The following KLHL12 variants were observed in gnomAD, a reference collection of about 807,000 sequenced individuals.
KLHL12 encodes the protein kelch like family member 12.
A neutral mutation model predicts 60.8 loss-of-function variants in KLHL12; 17 were observed. The ratio of observed to expected loss-of-function variants is 0.28; its 90% CI spans 0.19 to 0.42. The LOEUF (loss-of-function observed/expected upper bound fraction) is 0.42. Among genes scored for constraint, KLHL12 ranks in the 10% least tolerant of loss-of-function variants. The pLI, the probability that KLHL12 is intolerant of heterozygous loss-of-function variation, is 1.00. For missense variants in KLHL12, 468 were observed against 722.3 expected (o/e 0.65, Z 4.04); for synonymous variants, 220 against 250.9 (o/e 0.88, Z 1.16).
intron 2 of KLHL12, among the ~76,000 whole-genome samples, chr1:202,922,548 G>A (rs1046968140): frequency 2.4e-4 from 36 of 151,122 alleles, no homozygotes; most frequent in African/African-American, 7.8e-4. Context: ...GTGCAGTGGC[G>A]TGATCTGGGC....
At chr1:202,915,623 G>A (rs1184613977) in intron 4 of KLHL12, among the ~76,000 whole-genome samples, 1 of 152,140 alleles carries the variant, frequency 6.6e-6, no homozygotes, top group African/African-American at 2.4e-5. Context: ...TTCCTGATTT[G>A]GACAATTAGA....
Position 202,919,779 on chromosome 1 carries a change from C to T in KLHL12, c.325G>A (p.Ala109Thr). ...CCTTTCAACTGAAGCAGACAGGCTG[C>T]AGGAAGCAGTTCTTGTACATTCTCC... ...TVENVQELLP[A>T]ACLLQLKGVK... is the part of the protein sequence containing the mutation. The change falls in exon 3 of 12, where the codon GCA becomes ACA. Residue 109 changes from alanine (A) to threonine (T), a missense_variant. By Grantham distance (58) the Ala-to-Thr change is moderately conservative (BLOSUM62 0). This residue lies in a region of KLHL12 where 339 missense variants were observed against 525.0 expected (regional missense o/e 0.65). Coordinates refer to ENST00000367261, the MANE Select transcript of KLHL12 (RefSeq NM_021633.4). 6.2e-7 allele frequency: 1 copy of T among 1,611,614 alleles called. No individual in the cohort carries two copies. The highest frequency in any genetic ancestry group is 8.5e-7 in the Non-Finnish European group (1 of 1,179,224).
At chr1:202,925,698 ATTCAAC>A (rs916354933) in intron 1 of KLHL12, among the ~76,000 whole-genome samples, 1 of 152,240 alleles carries the variant, frequency 6.6e-6, no homozygotes, top group Non-Finnish European at 1.5e-5. Context: ...AAAAGTGTGT[ATTCAAC>A]TTCAACTTAG....
In KLHL12 at chr1:202,909,001, C is replaced by A; in HGVS notation, c.832+9G>T. 1.3e-6 allele frequency: 2 copies of A among 1,575,416 alleles called. No homozygotes were observed. The highest frequency in any genetic ancestry group is 1.3e-5 in the African/African-American group (1 of 74,154). The stretch of plus-strand genomic sequence containing the variant: ...AGCATCCCCTCATTCTGCCGAGATA[C>A]CAGCTTACCTAGGCGAGCCCTTGTC... On this transcript the variant is annotated intron_variant, in intron 6 of 11. Coordinates refer to ENST00000367261, the MANE Select transcript of KLHL12 (RefSeq NM_021633.4). This position sits in a 1 kb window ranked among gnomAD's most constrained non-coding sequence, Gnocchi z 4.1.
chr1:202,897,927 T>C (rs1287536494), intron 6 of KLHL12, among the ~76,000 whole-genome samples: 1 of 152,078 alleles, frequency 6.6e-6, no homozygotes, highest in Non-Finnish European at 1.5e-5. Context: ...TATGATCACA[T>C]TCCCTGCCAA....
intron 6 of KLHL12, among the ~76,000 whole-genome samples, chr1:202,905,537 G>C (rs970970304): frequency 1.3e-5 from 2 of 152,180 alleles, no homozygotes; most frequent in Non-Finnish European, 2.9e-5. Flanking sequence ...CCTAGTGCCA[G>C]GTTCTTTCCA....
chr1:202,908,375 G>C (rs1261891290), intron 6 of KLHL12, among the ~76,000 whole-genome samples: 2 of 152,276 alleles, frequency 1.3e-5, no homozygotes, highest in Admixed American at 6.5e-5. Flanking sequence ...GTTATTATGT[G>C]CCAAGAAGTG....
chr1:202,919,950 C>T (rs1179413100), intron 2 of KLHL12, 42 bp from the exon 3 acceptor site: 1 of 1,524,472 alleles, frequency 6.6e-7, no homozygotes, highest in Admixed American at 1.7e-5. Context: ...GTTATAATTC[C>T]ACAAGATAAA....
chr1:202,925,822 C>A (rs1488940991), intron 1 of KLHL12, among the ~76,000 whole-genome samples: 1 of 152,048 alleles, frequency 6.6e-6, no homozygotes, highest in Non-Finnish European at 1.5e-5. Context: ...AATGAAACTT[C>A]AGGCCGGGCC....
intron 2 of KLHL12, among the ~76,000 whole-genome samples, chr1:202,920,736 T>G (rs569353267): frequency 1.3e-5 from 2 of 152,178 alleles, no homozygotes; most frequent in Non-Finnish European, 2.9e-5. Context: ...CCAAATGAAG[T>G]AGGTAGTTAT....
chr1:202,910,977 A>G (rs1381600386), intron 5 of KLHL12, 77 bp downstream of exon 5: 1 of 1,518,188 alleles, frequency 6.6e-7, no homozygotes, highest in Non-Finnish European at 9.0e-7. Context: ...CTACATTAAA[A>G]TACTCAATTT....
At chr1:202,898,649 G>A (rs1003874614) in intron 6 of KLHL12, among the ~76,000 whole-genome samples, 1 of 152,104 alleles carries the variant, frequency 6.6e-6, no homozygotes, top group Admixed American at 6.5e-5. Flanking sequence ...CTACAAAGAT[G>A]CAACAGCAGA....
At chr1:202,900,484 A>C (rs534027321) in intron 6 of KLHL12, among the ~76,000 whole-genome samples, 1 of 152,258 alleles carries the variant, frequency 6.6e-6, no homozygotes, top group African/African-American at 2.4e-5. Flanking sequence ...CAGGAGGTTA[A>C]GGCTGCAGTG....
At chr1:202,899,129 A>G (rs1174856956) in intron 6 of KLHL12, among the ~76,000 whole-genome samples, 1 of 151,964 alleles carries the variant, frequency 6.6e-6, no homozygotes, top group Non-Finnish European at 1.5e-5. Context: ...CCTAGCCAAC[A>G]AGGCAAAACC....
chr1:202,911,677 A>G (rs16850750), intron 4 of KLHL12: 1 of 500,160 alleles, frequency 2.0e-6, no homozygotes, highest in South Asian at 3.4e-5. Flanking sequence ...CTCACCCCTC[A>G]AACTGTTCAC....
Position 202,893,114 on chromosome 1 carries a change from A to T in KLHL12, c.1580+125T>A, listed in dbSNP as rs1659727682. 1 of 691,394 alleles carries T rather than the reference A, an allele frequency of 1.4e-6. No homozygotes were observed. Among genetic ancestry groups the T allele is most frequent in the South Asian group, 2.3e-5 (1 of 43,714 alleles). The allele number at this position is 691,394 out of a possible 1,614,324, so 42.8% of individuals were successfully genotyped here. On this transcript the variant is annotated intron_variant, in intron 11 of 11. Transcript: ENST00000367261. The surrounding 1 kb of genome is among the most constrained non-coding windows in gnomAD (Gnocchi z 4.1). ...AAATAAAAAAAATCTAATAAAAAAA[A>T]TCAAGTTGCCACTGGAGATGTCTAC...
At chr1:202,900,619 T>A (rs1232356345) in intron 6 of KLHL12, among the ~76,000 whole-genome samples, 1 of 152,046 alleles carries the variant, frequency 6.6e-6, no homozygotes, top group African/African-American at 2.4e-5. Context: ...ATCACAGCAC[T>A]TTGGGAGGCC....
At chr1:202,921,985 C>G (rs938872355) in intron 2 of KLHL12, among the ~76,000 whole-genome samples, 1 of 152,076 alleles carries the variant, frequency 6.6e-6, no homozygotes, top group Non-Finnish European at 1.5e-5. Context: ...TAATACAGTA[C>G]TAATATTCAT....
At position 202,895,716 on chromosome 1, in the gene KLHL12, C is replaced by T; in HGVS notation, c.941G>A (p.Ser314Asn). The T allele has an allele frequency of 1.2e-6, 2 of 1,613,144 alleles. No homozygotes were observed. The highest frequency in any genetic ancestry group is 8.5e-7 in the Non-Finnish European group (1 of 1,179,348). ...PKTQEWSFLPSITRKRRYVAS... is the reference protein window; with the variant it reads ...PKTQEWSFLPNITRKRRYVAS... ...CACATAACGTCTCTTACGAGTGATGCTCTATGGATTTGGAGAGAAGAGGTA... is the reference window on the plus strand; with the variant it reads ...CACATAACGTCTCTTACGAGTGATGTTCTATGGATTTGGAGAGAAGAGGTA... The change falls in exon 8 of 12, where the codon AGC becomes AAC. Residue 314 changes from serine (S) to asparagine (N), a missense_variant and splice_region_variant. Ser to Asn is a conservative substitution (Grantham distance 46). Around this residue, in one of 4 missense-constraint regions of KLHL12, gnomAD observed 339 missense variants for 525.0 expected, o/e 0.65. Transcript: ENST00000367261. The surrounding 1 kb of genome is among the most constrained non-coding windows in gnomAD (Gnocchi z 4.2).
Sources: gnomAD v4.1 joint callset for allele counts (sites outside exome capture counted in the v4.1 genomes callset) on GRCh38, gnomAD v4.1.1 for gene constraint, gnomAD v4.1.1 regional missense constraint, Gnocchi (gnomAD v3.1) non-coding constraint, MANE v1.5 for transcripts, NCBI Gene and HGNC (gene_info 2026-07-23, HGNC 2026-07-21) for gene names.